Variants in PALM2AKAP2 observed in about 807,000 individuals in gnomAD.
PALM2AKAP2 encodes the protein PALM2-AKAP2 fusion protein.
PALM2AKAP2 carries 37 observed loss-of-function variants against 71.5 expected under a neutral mutation model. That is an observed-to-expected ratio of 0.52 (90% CI 0.40 to 0.68). The LOEUF (loss-of-function observed/expected upper bound fraction) is 0.68, where lower values mean the gene tolerates loss of function less well. Ranked by LOEUF, PALM2AKAP2 falls within the 30% of genes least tolerant of loss-of-function variation. The pLI, the probability that PALM2AKAP2 is intolerant of heterozygous loss-of-function variation, is 0.00. For missense variants in PALM2AKAP2, 1,224 were observed against 1,191.8 expected, an observed-to-expected ratio of 1.03 and a Z score of -0.40; for synonymous variants, 468 against 478.8, an observed-to-expected ratio of 0.98 and a Z score of 0.29.
At chr9:109,984,279 A>T (rs1832332568) in intron 6 of PALM2AKAP2, among the ~76,000 whole-genome samples, 1 of 152,202 alleles carries the variant, frequency 6.6e-6, no homozygotes, top group Admixed American at 6.5e-5. Context: ...TAATTATTGC[A>T]GATCAAATAT....
chr9:109,958,164 A>G (rs1831784028), intron 6 of PALM2AKAP2, among the ~76,000 whole-genome samples: 1 of 152,094 alleles, frequency 6.6e-6, no homozygotes, highest in African/African-American at 2.4e-5. Context: ...AAACAGCAGA[A>G]AAAGAAACAG....
At chr9:109,642,293 A>G (rs1827081303) in intron 1 of PALM2AKAP2, among the ~76,000 whole-genome samples, 1 of 151,990 alleles carries the variant, frequency 6.6e-6, no homozygotes, top group South Asian at 2.1e-4. Context: ...TAATAATAGT[A>G]ACTATTTCAT....
intron 1 of PALM2AKAP2, among the ~76,000 whole-genome samples, chr9:109,797,140 A>G (rs1407385605): frequency 3.3e-5 from 5 of 151,162 alleles, no homozygotes; most frequent in Admixed American, 1.3e-4. Flanking sequence ...TCCCCAGCAA[A>G]TTTTTCTAGG....
intron 1 of PALM2AKAP2, among the ~76,000 whole-genome samples, chr9:109,677,995 A>G (rs935661253): frequency 3.3e-5 from 5 of 152,208 alleles, no homozygotes; most frequent in Non-Finnish European, 7.3e-5. Context: ...TGTTACAGGG[A>G]GCCTGCAAAT....
chr9:110,016,010 GA>G lies in PALM2AKAP2; in HGVS notation c.556del (p.Thr186HisfsTer6). 6.2e-7 allele frequency: 1 copy of G among 1,614,032 alleles called. No homozygotes were observed. The highest frequency in any genetic ancestry group is 8.5e-7 in the Non-Finnish European group (1 of 1,179,956). ...AGGTGAGTCAGCCTCGAACGCCACA[GA>G]AACATCCGGCCCAGACATGACTATC... is the stretch of plus-strand genomic sequence containing the variant. On this transcript the variant is annotated frameshift_variant, in exon 7 of 10. Transcript: ENST00000302798. LOFTEE classifies it high-confidence loss of function.
chr9:109,718,331 C>T (rs986985568), intron 1 of PALM2AKAP2, among the ~76,000 whole-genome samples: 12 of 152,282 alleles, frequency 7.9e-5, no homozygotes, highest in African/African-American at 2.2e-4. Context: ...CCACCTGCCT[C>T]GGTCTCCCAA....
At chr9:110,136,898 G>C (rs1162541274) in exon 2 of PALM2AKAP2, 1 of 1,614,184 alleles carries the variant, frequency 6.2e-7, no homozygotes, top group Admixed American at 1.7e-5. Flanking sequence ...GCTGGAAAAG[G>C]AGAGGAGAGA....
chr9:109,841,145 A>G (rs1828650644), intron 1 of PALM2AKAP2, among the ~76,000 whole-genome samples: 1 of 152,190 alleles, frequency 6.6e-6, no homozygotes, highest in African/African-American at 2.4e-5. Flanking sequence ...GACTGGATTA[A>G]GAAAATGTGG....
chr9:109,641,934 A>T (rs1313586740), intron 1 of PALM2AKAP2, among the ~76,000 whole-genome samples: 1 of 152,210 alleles, frequency 6.6e-6, no homozygotes. Flanking sequence ...GAGATGGTGT[A>T]GCATTGTAGG....
chr9:109,767,030 C>T (rs1013417542), intron 1 of PALM2AKAP2, among the ~76,000 whole-genome samples: 8 of 152,066 alleles, frequency 5.3e-5, no homozygotes, highest in Non-Finnish European at 7.4e-5. Context: ...CATGGATTAT[C>T]TACTTTTACC....
At chr9:110,145,888 CTTCTTTTTTTTT>C (rs1418525037) in intron 2 of PALM2AKAP2, among the ~76,000 whole-genome samples, 4 of 121,290 alleles carry the variant, frequency 3.3e-5, no homozygotes, top group Non-Finnish European at 6.9e-5. Context: ...CAGCCTCACT[CTTCTTTTTTTTT>C]TTTTTTTTTT....
chr9:109,662,151 C>A (rs532255682), intron 1 of PALM2AKAP2, among the ~76,000 whole-genome samples: 502 of 151,198 alleles, frequency 3.3e-3, no homozygotes, highest in Non-Finnish European at 5.5e-3. Flanking sequence ...AATTGAATAC[C>A]CTTTATTTCT....
intron 7 of PALM2AKAP2, chr9:110,025,467 ATTCTTGC>A (rs1833163892): frequency 3.2e-6 from 2 of 634,460 alleles, no homozygotes; most frequent in African/African-American, 3.7e-5. Flanking sequence ...GGCAGTAAGT[ATTCTTGC>A]TATGAATAGT....
At chr9:110,136,244 A>G in exon 2 of PALM2AKAP2, 1 of 1,614,180 alleles carries the variant, frequency 6.2e-7, no homozygotes, top group Non-Finnish European at 8.5e-7. Flanking sequence ...AAACATGGAA[A>G]TTGAGGTGTC....
At chr9:109,855,879 G>A (rs10816898) in intron 1 of PALM2AKAP2, among the ~76,000 whole-genome samples, 26,047 of 151,924 alleles carry the variant, frequency 0.17, 2,382 homozygotes, top group South Asian at 0.23. Flanking sequence ...TCTTAAGGTA[G>A]AAAATTATCA....
chr9:109,662,476 T>C (rs1226688021), intron 1 of PALM2AKAP2, among the ~76,000 whole-genome samples: 1 of 152,224 alleles, frequency 6.6e-6, no homozygotes, highest in Non-Finnish European at 1.5e-5. Context: ...CGTTTATTGA[T>C]TTGTGTATAT....
intron 7 of PALM2AKAP2, among the ~76,000 whole-genome samples, chr9:110,028,813 T>A (rs1170398241): frequency 1.3e-5 from 2 of 152,150 alleles, no homozygotes; most frequent in Non-Finnish European, 2.9e-5. Context: ...CAGATTTTAC[T>A]GGGTGTTCTG....
intron 1 of PALM2AKAP2, among the ~76,000 whole-genome samples, chr9:109,866,275 A>G (rs957894568): frequency 7.9e-5 from 12 of 152,312 alleles, no homozygotes; most frequent in Admixed American, 5.9e-4. Context: ...AGGCTTCCGC[A>G]TTGTTGTTGT....
chr9:110,149,170 A>T (rs1406381228), intron 2 of PALM2AKAP2, among the ~76,000 whole-genome samples: 1 of 152,210 alleles, frequency 6.6e-6, no homozygotes, highest in African/African-American at 2.4e-5. Flanking sequence ...AGGAAACACC[A>T]ATTTATGCTT....
Sources: allele counts gnomAD v4.1 joint callset (sites outside exome capture counted in the v4.1 genomes callset), GRCh38; gene constraint gnomAD v4.1.1; transcripts MANE v1.5; gene names NCBI Gene and HGNC (gene_info 2026-07-23, HGNC 2026-07-21).